EMID1: variants seen among roughly 807,000 people sequenced by gnomAD.
EMID1 encodes the protein EMI domain-containing protein 1.
In EMID1, 40 loss-of-function variants were observed where a neutral mutation model predicts 60.6. That is an observed-to-expected ratio of 0.66 (90% confidence interval 0.51 to 0.86). The LOEUF (loss-of-function observed/expected upper bound fraction) is 0.86, where lower values mean the gene tolerates loss of function less well. Ranked by LOEUF, EMID1 falls within the 40% of genes least tolerant of loss-of-function variation. The pLI is 0.00. For missense variants in EMID1, 585 were observed against 597.1 expected (o/e 0.98, Z 0.21); for synonymous variants, 242 against 231.0 (o/e 1.05, Z -0.43).
At chr22:29,245,532 G>T (rs2146392701) in intron 13 of EMID1, among the ~76,000 whole-genome samples, 1 of 152,316 alleles carries the variant, frequency 6.6e-6, no homozygotes, top group South Asian at 2.1e-4. Flanking sequence ...CTGCTTGCCT[G>T]GGAGGGGACC....
chr22:29,254,360 G>A, intron 14 of EMID1, 73 bp downstream of exon 14: 1 of 1,432,742 alleles, frequency 7.0e-7, no homozygotes, highest in Non-Finnish European at 9.8e-7. Flanking sequence ...CTCCTGGGGT[G>A]GAACTGGCCT....
intron 12 of EMID1, among the ~76,000 whole-genome samples, chr22:29,239,840 A>G (rs909920967): frequency 3.3e-5 from 5 of 150,740 alleles, no homozygotes; most frequent in African/African-American, 9.8e-5. Flanking sequence ...GCTCACTGCA[A>G]CCTCCACCTC....
intron 1 of EMID1, among the ~76,000 whole-genome samples, chr22:29,212,520 G>A (rs2039928574): frequency 6.6e-6 from 1 of 151,742 alleles, no homozygotes; most frequent in Admixed American, 6.6e-5. Context: ...ATGGGTGCCT[G>A]GGGCACGTCC....
chr22:29,244,897 C>T (rs562164362), intron 13 of EMID1, among the ~76,000 whole-genome samples: 1 of 152,226 alleles, frequency 6.6e-6, no homozygotes, highest in South Asian at 2.1e-4. Flanking sequence ...AACTAGGAAG[C>T]TCTTTTTGGC....
chr22:29,208,896 T>C (rs1452308418), intron 1 of EMID1, among the ~76,000 whole-genome samples: 1 of 152,186 alleles, frequency 6.6e-6, no homozygotes, highest in African/African-American at 2.4e-5. Flanking sequence ...TGAGTGAAGC[T>C]TCCCCCGCTG....
intron 3 of EMID1, among the ~76,000 whole-genome samples, chr22:29,218,142 T>C (rs749226565): frequency 6.6e-5 from 10 of 152,230 alleles, no homozygotes; most frequent in Non-Finnish European, 1.5e-4. Flanking sequence ...GCTCCGCAAA[T>C]GTCTTCCTCT....
chr22:29,235,046 A>T (rs185698812), intron 12 of EMID1, among the ~76,000 whole-genome samples: 248 of 152,194 alleles, frequency 1.6e-3, no homozygotes, highest in African/African-American at 5.5e-3. Context: ...TATAAATTTT[A>T]TTAAATGTAA....
chr22:29,256,000 G>A (rs1174667224), intron 14 of EMID1, among the ~76,000 whole-genome samples: 3 of 152,114 alleles, frequency 2.0e-5, no homozygotes, highest in African/African-American at 7.2e-5. Context: ...CTGGGAGTGA[G>A]GCTGAGAAAA....
At chr22:29,226,221 G>A (rs1450530656) in intron 4 of EMID1, among the ~76,000 whole-genome samples, 1 of 152,172 alleles carries the variant, frequency 6.6e-6, no homozygotes, top group Non-Finnish European at 1.5e-5. Context: ...GGGTCATTTT[G>A]GACACAGAGG....
intron 14 of EMID1, chr22:29,255,198 T>G: frequency 2.3e-5 from 2 of 87,904 alleles, no homozygotes; most frequent in Non-Finnish European, 5.5e-5. Flanking sequence ...CCTCCCACCC[T>G]CCCCGCTTGG....
At chr22:29,211,168 G>A (rs1206196774) in intron 1 of EMID1, among the ~76,000 whole-genome samples, 1 of 152,146 alleles carries the variant, frequency 6.6e-6, no homozygotes, top group Non-Finnish European at 1.5e-5. Flanking sequence ...CTGTGACTGT[G>A]TGCCCCTCTG....
intron 3 of EMID1, among the ~76,000 whole-genome samples, chr22:29,216,788 G>A (rs796077886): frequency 1.3e-5 from 2 of 152,374 alleles, no homozygotes; most frequent in South Asian, 4.1e-4. Flanking sequence ...GCAGTGGGGA[G>A]GGGTCTGGCA....
chr22:29,244,714 G>A (rs557424318), intron 13 of EMID1, among the ~76,000 whole-genome samples: 13 of 151,692 alleles, frequency 8.6e-5, no homozygotes, highest in South Asian at 6.3e-4. Context: ...AGGGATTTTC[G>A]GGTTAGGACC....
At chr22:29,215,668 G>A (rs763108840) in intron 3 of EMID1, 38 bp downstream of exon 3, 1 of 1,558,778 alleles carries the variant, frequency 6.4e-7, no homozygotes, top group Non-Finnish European at 8.8e-7. Flanking sequence ...CCCTGCGACA[G>A]CAGGCCAGGT....
chr22:29,236,434 T>C (rs1258255599), intron 12 of EMID1, among the ~76,000 whole-genome samples: 3 of 152,146 alleles, frequency 2.0e-5, no homozygotes, highest in African/African-American at 7.2e-5. Context: ...CTCACACCTG[T>C]AATCCTGGCA....
chr22:29,228,771 C>T (rs963393306), intron 5 of EMID1, among the ~76,000 whole-genome samples: 3 of 152,040 alleles, frequency 2.0e-5, no homozygotes, highest in Admixed American at 6.6e-5. Context: ...GTTTAAAAAA[C>T]TTTTTTTAGA....
intron 14 of EMID1, chr22:29,255,204 C>CCG: frequency 1.2e-6 from 1 of 814,594 alleles, no homozygotes; most frequent in Non-Finnish European, 1.8e-6. Flanking sequence ...ACCCTCCCCG[C>CCG]TTGGCTCCCC....
At chr22:29,211,217 G>A (rs1439943507) in intron 1 of EMID1, among the ~76,000 whole-genome samples, 1 of 152,224 alleles carries the variant, frequency 6.6e-6, no homozygotes, top group African/African-American at 2.4e-5. Context: ...TGACAGAGCC[G>A]ATGAGTGTGT....
intron 12 of EMID1, 74 bp downstream of exon 12, chr22:29,234,423 C>T (rs2146315880): frequency 6.5e-7 from 1 of 1,529,856 alleles, no homozygotes; most frequent in Non-Finnish European, 8.9e-7. Context: ...TGACTCCATC[C>T]CCTGCAACCA....
Sources: allele counts gnomAD v4.1 joint callset (sites outside exome capture counted in the v4.1 genomes callset), GRCh38; gene constraint gnomAD v4.1.1; transcripts MANE v1.5; gene names NCBI Gene and HGNC (gene_info 2026-07-23, HGNC 2026-07-21).